The following MSRA variants were observed in gnomAD, a reference collection of about 807,000 sequenced individuals.
The protein encoded by MSRA is mitochondrial peptide methionine sulfoxide reductase.
A neutral mutation model predicts 31.3 loss-of-function variants in MSRA; 54 were observed. That is an observed-to-expected ratio of 1.73 (90% CI 1.39 to 2.17). MSRA has a LOEUF of 2.17. Among genes scored for constraint, MSRA ranks in the 30% most tolerant of loss-of-function variants. MSRA has a pLI of 0.00. For synonymous variants in MSRA, 169 were observed against 116.5 expected (o/e 1.45, Z -2.90); for missense variants, 507 against 300.9 (o/e 1.69, Z -5.07).
At position 10,364,771 on chromosome 8, in the gene MSRA, G is replaced by T. The variant is rs117998476; in HGVS notation, c.543+44782G>T. Among the ~76,000 whole-genome samples, 34 of 152,188 alleles carry T rather than the reference G, an allele frequency of 2.2e-4. No individual in the cohort carries two copies. The East Asian group carries it at 6.6e-3, about 29-fold the overall frequency. On this transcript the variant is annotated intron_variant, in intron 5 of 5. Coordinates refer to ENST00000317173, the MANE Select transcript of MSRA (RefSeq NM_012331.5). Reference sequence around the variant, plus strand: ...GCCAGATATCACGTGTACTGTCTTGGGCCTGTAATCCAAATGCACAGTAGA... The same window carrying T: ...GCCAGATATCACGTGTACTGTCTTGTGCCTGTAATCCAAATGCACAGTAGA...
intron 3 of MSRA, among the ~76,000 whole-genome samples, chr8:10,261,157 G>A (rs1798459966): frequency 1.3e-5 from 2 of 151,998 alleles, no homozygotes; most frequent in Admixed American, 1.3e-4. Context: ...CTGCTGTGAT[G>A]GTATTGATTA....
intron 1 of MSRA, among the ~76,000 whole-genome samples, chr8:10,061,004 G>A (rs1003137330): frequency 6.6e-6 from 1 of 152,166 alleles, no homozygotes. Context: ...TTTCTAAATT[G>A]TAGGATACAG....
chr8:10,396,004 C>T (rs1033839717), intron 5 of MSRA, among the ~76,000 whole-genome samples: 1 of 152,168 alleles, frequency 6.6e-6, no homozygotes, highest in Non-Finnish European at 1.5e-5. Flanking sequence ...CTTGGTATGG[C>T]TCCATTTCTG....
chr8:10,054,479 GC>G lies in MSRA; in HGVS notation c.-36del, dbSNP rs776713038. On this transcript the variant is annotated 5_prime_UTR_variant, in exon 1 of 6. Coordinates refer to ENST00000317173, the MANE Select transcript of MSRA (RefSeq NM_012331.5). ...CGGCTGCGGCTCCGCTGCCGGTAGC[GC>G]CGTCCCCCGGGACCACCCTTCGGCT... The G allele has an allele frequency of 7.8e-6, 12 of 1,540,296 alleles. 1 individual carries two copies. The highest frequency in any genetic ancestry group is 8.7e-7 in the Non-Finnish European group (1 of 1,143,482).
chr8:10,356,560 T>C (rs1804519153), intron 5 of MSRA, among the ~76,000 whole-genome samples: 1 of 152,220 alleles, frequency 6.6e-6, no homozygotes, highest in African/African-American at 2.4e-5. Context: ...TGTTGAAATT[T>C]TCACCCACAA....
chr8:10,063,487 C>T (rs1353791966), intron 1 of MSRA, among the ~76,000 whole-genome samples: 2 of 152,198 alleles, frequency 1.3e-5, no homozygotes, highest in African/African-American at 2.4e-5. Context: ...CTGCTCTGAG[C>T]TCCTTCCTTG....
At chr8:10,079,025 G>A (rs539722160) in intron 1 of MSRA, among the ~76,000 whole-genome samples, 4 of 152,330 alleles carry the variant, frequency 2.6e-5, no homozygotes, top group South Asian at 2.1e-4. Flanking sequence ...AGTATTCACC[G>A]CTGTGTGCTG....
intron 5 of MSRA, 164 bp downstream of exon 5, chr8:10,320,153 AC>A: frequency 2.0e-6 from 1 of 507,614 alleles, no homozygotes. Context: ...TGTGTCTAAT[AC>A]GTGTGCTAAA....
chr8:10,267,981 A>G (rs948295531), intron 3 of MSRA, among the ~76,000 whole-genome samples: 4 of 151,996 alleles, frequency 2.6e-5, no homozygotes, highest in Non-Finnish European at 4.4e-5. Flanking sequence ...CCCCTTGCAT[A>G]TTTCCCTCAT....
intron 1 of MSRA, among the ~76,000 whole-genome samples, chr8:10,066,258 A>G (rs1352699038): frequency 1.3e-5 from 2 of 152,084 alleles, no homozygotes. Flanking sequence ...GAGTGCTGGG[A>G]TTACAGGCGT....
chr8:10,200,811 G>T (rs934129545), intron 1 of MSRA, among the ~76,000 whole-genome samples: 1 of 152,182 alleles, frequency 6.6e-6, no homozygotes, highest in Non-Finnish European at 1.5e-5. Context: ...CCCTGGGCAT[G>T]TATGACTAGA....
chr8:10,393,896 G>C (rs1202038872), intron 5 of MSRA, among the ~76,000 whole-genome samples: 2 of 152,330 alleles, frequency 1.3e-5, no homozygotes, highest in Non-Finnish European at 2.9e-5. Flanking sequence ...TTGGCATGAA[G>C]ATACTATGTG....
intron 1 of MSRA, among the ~76,000 whole-genome samples, chr8:10,163,430 T>C (rs1227529613): frequency 6.6e-6 from 1 of 152,200 alleles, no homozygotes; most frequent in East Asian, 1.9e-4. Flanking sequence ...GCGCACCCAC[T>C]GTTAATCAGC....
At chr8:10,210,321 A>G (rs913355201) in intron 2 of MSRA, among the ~76,000 whole-genome samples, 4 of 152,242 alleles carry the variant, frequency 2.6e-5, no homozygotes, top group East Asian at 1.9e-4. Flanking sequence ...CCTGGAATCT[A>G]TGTTCTTGTT....
At chr8:10,078,544 G>A (rs1798114392) in intron 1 of MSRA, among the ~76,000 whole-genome samples, 1 of 152,224 alleles carries the variant, frequency 6.6e-6, no homozygotes, top group Non-Finnish European at 1.5e-5. Flanking sequence ...TCTGCTTCCT[G>A]CAGCTTGTGT....
rs994780224 is a variant in MSRA, at chr8:10,423,143, G to C, written c.544-5005G>C. Among the ~76,000 whole-genome samples the C allele has an allele frequency of 4.6e-5, 7 of 152,162 alleles. No individual in the cohort carries two copies. In the East Asian group the frequency reaches 1.4e-3, roughly 29 times the overall value. ...GTTTTTATGGGTCCTCCCCATGGAC[G>C]ACGGGAGAGGGGAGAGGCCACCAGG... On this transcript the variant is annotated intron_variant, in intron 5 of 5. Transcript: ENST00000317173.
chr8:10,194,255 C>A (rs577934012), intron 1 of MSRA, among the ~76,000 whole-genome samples: 1 of 152,170 alleles, frequency 6.6e-6, no homozygotes, highest in Non-Finnish European at 1.5e-5. Context: ...CTCTTAAAAT[C>A]CTTCCCCCCC....
chr8:10,197,442 A>G (rs1435881155), intron 1 of MSRA, among the ~76,000 whole-genome samples: 1 of 152,162 alleles, frequency 6.6e-6, no homozygotes, highest in African/African-American at 2.4e-5. Flanking sequence ...AGTGCTGTCA[A>G]CACAGAGGCA....
At chr8:10,085,482 G>C (rs891948039) in intron 1 of MSRA, among the ~76,000 whole-genome samples, 8 of 152,192 alleles carry the variant, frequency 5.3e-5, no homozygotes, top group African/African-American at 1.9e-4. Flanking sequence ...AAGAAGATGA[G>C]CGGAACCTCT....
Sources: allele counts gnomAD v4.1 joint callset (sites outside exome capture counted in the v4.1 genomes callset), GRCh38; gene constraint gnomAD v4.1.1; transcripts MANE v1.5; gene names NCBI Gene and HGNC (gene_info 2026-07-23, HGNC 2026-07-21).